LARS2: variants seen among roughly 807,000 people sequenced by gnomAD.
The protein encoded by LARS2 is leucine--tRNA ligase, mitochondrial.
A neutral mutation model predicts 116.6 loss-of-function variants in LARS2; 81 were observed. That is an observed-to-expected ratio of 0.69 (90% confidence interval 0.58 to 0.84). LARS2 has a LOEUF of 0.84. Among genes scored for constraint, LARS2 ranks in the 40% least tolerant of loss-of-function variants. The pLI is 0.00. For synonymous variants in LARS2, 396 were observed against 407.2 expected (o/e 0.97, Z 0.33); for missense variants, 968 against 1,114.5 (o/e 0.87, Z 1.87).
chr3:45,402,953 A>G (rs1327313823), intron 4 of LARS2, among the ~76,000 whole-genome samples: 2 of 151,414 alleles, frequency 1.3e-5, no homozygotes, highest in Non-Finnish European at 1.5e-5. Flanking sequence ...TAAAAATACA[A>G]AATTAGCCAG....
intron 16 of LARS2, among the ~76,000 whole-genome samples, chr3:45,513,780 C>G (rs138980652): frequency 1.3e-5 from 2 of 152,314 alleles, no homozygotes; most frequent in Non-Finnish European, 2.9e-5. Flanking sequence ...TTTCCTTCCA[C>G]TCTGCATTTT....
intron 10 of LARS2, 45 bp downstream of exon 10, chr3:45,476,672 A>T (rs998153702): frequency 5.6e-6 from 9 of 1,601,714 alleles, no homozygotes; most frequent in Non-Finnish European, 7.7e-6. Context: ...TTGCTACCTT[A>T]CATTTGGATG....
At chr3:45,517,444 C>T (rs1306506165) in intron 17 of LARS2, among the ~76,000 whole-genome samples, 1 of 152,218 alleles carries the variant, frequency 6.6e-6, no homozygotes, top group Non-Finnish European at 1.5e-5. Context: ...AGGGATTGTG[C>T]CAATGCACTT....
In LARS2 at chr3:45,544,324, TA is replaced by T. The variant is rs1273533716; in HGVS notation, c.2532+2369del. ...GGCTCGGAAGTCAGGCCATCCTGGGTATAAGTCTCAGTTTTACAACATATTT... is the reference window on the plus strand; with the variant it reads ...GGCTCGGAAGTCAGGCCATCCTGGGTTAAGTCTCAGTTTTACAACATATTT... On this transcript the variant is annotated intron_variant, in intron 21 of 21. Transcript: ENST00000645846. 3.9e-5 allele frequency among the ~76,000 whole-genome samples: 6 copies of T among 152,304 alleles called. No homozygotes were observed. In the East Asian group the frequency reaches 1.2e-3, roughly 29 times the overall value.
At chr3:45,539,749 C>T (rs1437734441) in intron 20 of LARS2, among the ~76,000 whole-genome samples, 1 of 151,986 alleles carries the variant, frequency 6.6e-6, no homozygotes, top group Non-Finnish European at 1.5e-5. Context: ...TATTTCCTTC[C>T]AATCTGTTCA....
At chr3:45,477,739 A>G (rs1003810261) in intron 10 of LARS2, among the ~76,000 whole-genome samples, 7 of 152,214 alleles carry the variant, frequency 4.6e-5, no homozygotes, top group African/African-American at 1.7e-4. Context: ...AAAGTATACA[A>G]TCTGAATTAT....
At chr3:45,447,796 A>G (rs1487054609) in intron 7 of LARS2, among the ~76,000 whole-genome samples, 2 of 152,228 alleles carry the variant, frequency 1.3e-5, no homozygotes, top group Non-Finnish European at 1.5e-5. Flanking sequence ...CCGAGAAATG[A>G]AAGTGTTTGT....
intron 8 of LARS2, among the ~76,000 whole-genome samples, chr3:45,462,161 C>G (rs565141014): frequency 6.6e-6 from 1 of 152,136 alleles, no homozygotes; most frequent in Non-Finnish European, 1.5e-5. Context: ...ACCCACATAA[C>G]AGGCTGCCAA....
chr3:45,404,754 C>T (rs1161404970), intron 4 of LARS2, among the ~76,000 whole-genome samples: 4 of 152,142 alleles, frequency 2.6e-5, no homozygotes, highest in African/African-American at 9.7e-5. Flanking sequence ...CGCCACCACA[C>T]CCGGCTAATT....
rs36054230 is a variant in LARS2, at chr3:45,518,039, G to T, written c.2181G>T (p.Lys727Asn). ...LSNKEKAEAR[K>N]LWEYKNSVIS... ...ACAAGGAGAAAGCTGAGGCCAGGAA[G>T]CTCTGGGAGTACAAGAACTCCGTCA... The change falls in exon 18 of 22, where the codon AAG becomes AAT. Residue 727 changes from lysine (K) to asparagine (N), a missense_variant. Lys to Asn is a moderately conservative substitution (Grantham distance 94). Coordinates refer to ENST00000645846, the MANE Select transcript of LARS2 (RefSeq NM_015340.4). 2.4e-3 allele frequency: 3,929 copies of T among 1,613,668 alleles called. 73 individuals carry two copies. The African/African-American group carries it at 0.045, about 19-fold the overall frequency.
chr3:45,424,971 A>G (rs1698570822), intron 6 of LARS2, among the ~76,000 whole-genome samples: 1 of 152,210 alleles, frequency 6.6e-6, no homozygotes, highest in Non-Finnish European at 1.5e-5. Context: ...CTATTTCTGT[A>G]CAATCAATGT....
At chr3:45,484,312 A>C (rs1017561010) in intron 10 of LARS2, among the ~76,000 whole-genome samples, 4 of 151,632 alleles carry the variant, frequency 2.6e-5, no homozygotes, top group Non-Finnish European at 4.4e-5. Flanking sequence ...TTATATTGTA[A>C]ATTAAGTCAA....
chr3:45,455,018 T>C (rs1367771755), intron 7 of LARS2, among the ~76,000 whole-genome samples: 1 of 152,212 alleles, frequency 6.6e-6, no homozygotes, highest in Admixed American at 6.5e-5. Context: ...AAAGAAATCA[T>C]GTGGATTCTC....
At chr3:45,396,597 T>C (rs1347594852) in intron 3 of LARS2, among the ~76,000 whole-genome samples, 3 of 152,234 alleles carry the variant, frequency 2.0e-5, no homozygotes, top group African/African-American at 7.2e-5. Flanking sequence ...CATAAGTTTT[T>C]TGAAATGGAA....
intron 20 of LARS2, among the ~76,000 whole-genome samples, chr3:45,530,685 T>C (rs1023384915): frequency 6.6e-6 from 1 of 152,248 alleles, no homozygotes; most frequent in Non-Finnish European, 1.5e-5. Context: ...ACTCTTGATA[T>C]ATATTAACAA....
chr3:45,480,861 A>T (rs1699686998), intron 10 of LARS2, among the ~76,000 whole-genome samples: 1 of 152,348 alleles, frequency 6.6e-6, no homozygotes, highest in African/African-American at 2.4e-5. Flanking sequence ...CAAGCAGTAC[A>T]CTACATTTTT....
rs67171643 is a variant in LARS2 at position 45,511,771 on chromosome 3, ATTTTTTTTTT to A, written c.1761-1350_1761-1341del. Among the ~76,000 whole-genome samples the A allele has an allele frequency of 2.0e-4, 17 of 86,644 alleles. No homozygotes were observed. In the Admixed American group the frequency reaches 2.2e-3, roughly 11 times the overall value. The allele number at this position is 86,644 out of a possible 152,430, so 56.8% of individuals were successfully genotyped here. The stretch of plus-strand genomic sequence containing the variant: ...CCCTTCTTGAGGCTTAATGCTGCTG[ATTTTTTTTTT>A]TTTTTTTTTTTTTGGAGACAGAGTC... On this transcript the variant is annotated intron_variant, in intron 15 of 21. Transcript: ENST00000645846.
intron 6 of LARS2, among the ~76,000 whole-genome samples, chr3:45,436,684 C>T (rs1461522724): frequency 6.6e-6 from 1 of 151,670 alleles, no homozygotes. Context: ...GTCCCAGCTA[C>T]TCGGGAGGCT....
intron 19 of LARS2, among the ~76,000 whole-genome samples, chr3:45,521,960 G>A (rs903210483): frequency 1.3e-5 from 2 of 151,996 alleles, no homozygotes; most frequent in Non-Finnish European, 2.9e-5. Context: ...TTAAAAATTA[G>A]CCAAGTGTGG....
Sources: gnomAD v4.1 joint callset for allele counts (sites outside exome capture counted in the v4.1 genomes callset) on GRCh38, gnomAD v4.1.1 for gene constraint, MANE v1.5 for transcripts, NCBI Gene and HGNC (gene_info 2026-07-23, HGNC 2026-07-21) for gene names.